Variants in VPS13D observed in about 807,000 individuals in gnomAD.
VPS13D encodes the protein vacuolar protein sorting 13 homolog D.
Under a neutral mutation model 461.9 loss-of-function variants are expected in VPS13D, and 187 were observed. The ratio of observed to expected loss-of-function variants is 0.40; its 90% CI spans 0.36 to 0.46. The LOEUF (loss-of-function observed/expected upper bound fraction) is 0.46. Ranked by LOEUF, VPS13D falls within the 20% of genes least tolerant of loss-of-function variation. The probability of loss-of-function intolerance (pLI) is 0.60; values close to 1 mark genes in which losing one functional copy is unlikely to be tolerated. For synonymous variants in VPS13D, 1,951 were observed against 1,986.3 expected (o/e 0.98, Z 0.47); for missense variants, 4,711 against 5,364.9 (o/e 0.88, Z 3.81).
chr1:12,367,841 A>C (rs760424316), intron 52 of VPS13D: 1 of 152,196 alleles, frequency 6.6e-6, no homozygotes, highest in South Asian at 2.1e-4. Flanking sequence ...TCTCCTGACC[A>C]CGTGATCCAC....
In VPS13D at chr1:12,507,193, T is replaced by G. The variant is rs1461069056; in HGVS notation, c.13035+100T>G. Reference sequence around the variant, plus strand: ...CTCAGCAGGAGCTCATTTAGGAGGTTGAGGCTGGGCCCTTCCCAGGAGTGC... The same window carrying G: ...CTCAGCAGGAGCTCATTTAGGAGGTGGAGGCTGGGCCCTTCCCAGGAGTGC... On this transcript the variant is annotated intron_variant, in intron 69 of 69. Coordinates refer to ENST00000620676, the MANE Select transcript of VPS13D (RefSeq NM_015378.4). The surrounding 1 kb of genome is among the most constrained non-coding windows in gnomAD (Gnocchi z 5.3). 3.1e-6 allele frequency: 5 copies of G among 1,601,418 alleles called. No individual in the cohort carries two copies. The African/African-American group carries it at 6.7e-5, about 21-fold the overall frequency.
At chr1:12,296,538 C>T (rs553166818) in intron 24 of VPS13D, among the ~76,000 whole-genome samples, 1 of 152,180 alleles carries the variant, frequency 6.6e-6, no homozygotes, top group South Asian at 2.1e-4. Context: ...TCATAGATAT[C>T]CTATGTAGCA....
rs567506026 is a variant in VPS13D at position 12,277,235 on chromosome 1, C to G, written c.3647C>G (p.Ser1216Cys). 6.2e-7 allele frequency: 1 copy of G among 1,614,192 alleles called. No homozygotes were observed. The highest frequency in any genetic ancestry group is 1.3e-5 in the African/African-American group (1 of 75,044). The change falls in exon 19 of 70, where the codon TCT becomes TGT. Residue 1216 changes from serine (S) to cysteine (C), a missense_variant. By Grantham distance (112) the Ser-to-Cys change is moderately radical (BLOSUM62 -1). Around this residue, in one of 3 missense-constraint regions of VPS13D, gnomAD observed 4,411 missense variants for 4,937.8 expected, o/e 0.89. Coordinates refer to ENST00000620676, the MANE Select transcript of VPS13D (RefSeq NM_015378.4). ...GGTAGCACGTTTGACATGAATGGTT[C>G]TCTTGGCTGTTTACAGCTTATGGAT... The part of the protein sequence containing the change: ...SMGSTFDMNG[S>C]LGCLQLMDLT...
At chr1:12,436,297 C>A (rs1022582667) in intron 65 of VPS13D, among the ~76,000 whole-genome samples, 1 of 152,206 alleles carries the variant, frequency 6.6e-6, no homozygotes, top group African/African-American at 2.4e-5. Context: ...GGGGAAGGCA[C>A]GCCGGTGCCC....
At chr1:12,480,471 C>G (rs533096348) in intron 67 of VPS13D, among the ~76,000 whole-genome samples, 32 of 152,224 alleles carry the variant, frequency 2.1e-4, no homozygotes, top group African/African-American at 7.0e-4. Context: ...TGTTATGATT[C>G]CATGGTCAAA....
At chr1:12,262,603 G>T (rs530339483) in intron 13 of VPS13D, among the ~76,000 whole-genome samples, 1 of 152,274 alleles carries the variant, frequency 6.6e-6, no homozygotes, top group African/African-American at 2.4e-5. Flanking sequence ...CTACCTTTAG[G>T]CTAATGTAAG....
At chr1:12,410,523 G>T (rs1256190042) in intron 63 of VPS13D, among the ~76,000 whole-genome samples, 1 of 152,184 alleles carries the variant, frequency 6.6e-6, no homozygotes, top group Non-Finnish European at 1.5e-5. Flanking sequence ...AGGCCAAGAT[G>T]AGATGAGACC....
chr1:12,342,004 A>T (rs1279846819), intron 41 of VPS13D, 119 bp downstream of exon 41: 1 of 825,732 alleles, frequency 1.2e-6, no homozygotes, highest in Non-Finnish European at 1.9e-6. Flanking sequence ...TGAATGAATA[A>T]CTTGCTGTCT....
rs1012893545 is a variant in VPS13D at position 12,509,926 on chromosome 1, A to G, written c.*902A>G. The G allele has an allele frequency of 1.3e-5, 2 of 152,268 alleles. No individual in the cohort carries two copies. The highest frequency in any genetic ancestry group is 1.5e-5 in the Non-Finnish European group (1 of 68,054). 9.4% of individuals were successfully genotyped at this position (152,268 alleles called of 1,614,324 possible). On this transcript the variant is annotated 3_prime_UTR_variant, in exon 70 of 70. Transcript: ENST00000620676. ...AAAAGTCCCATTGAACTGTTGCAAC[A>G]AATCAGAAATCCACATAAAAGTGCT... is the stretch of plus-strand genomic sequence containing the variant.
intron 1 of VPS13D, among the ~76,000 whole-genome samples, chr1:12,232,896 C>T (rs1640025857): frequency 1.3e-5 from 2 of 151,838 alleles, no homozygotes; most frequent in African/African-American, 4.8e-5. Flanking sequence ...TATAAGTGAT[C>T]CTCATGAACA....
rs192925820 is a variant in VPS13D at position 12,377,296 on chromosome 1, G to A, written c.10918-1132G>A. 2.1e-3 allele frequency among the ~76,000 whole-genome samples: 326 copies of A among 151,676 alleles called. 2 individuals are homozygous for A. Among genetic ancestry groups the A allele is most frequent in the African/African-American group, 7.4e-3 (306 of 41,422 alleles). Reference sequence around the variant, plus strand: ...GCTGGTCTTGAACTCCTGACCTCAGGTGATACACCTGCCTCGGCCTCCCAA... The same window carrying A: ...GCTGGTCTTGAACTCCTGACCTCAGATGATACACCTGCCTCGGCCTCCCAA... On this transcript the variant is annotated intron_variant, in intron 55 of 69. Coordinates refer to ENST00000620676, the MANE Select transcript of VPS13D (RefSeq NM_015378.4).
At chr1:12,321,293 T>C (rs756438104) in intron 32 of VPS13D, among the ~76,000 whole-genome samples, 3 of 152,210 alleles carry the variant, frequency 2.0e-5, no homozygotes, top group Non-Finnish European at 4.4e-5. Context: ...AAAATAATCA[T>C]ATATGATTTC....
At chr1:12,372,437 T>G (rs1644132934) in intron 54 of VPS13D, among the ~76,000 whole-genome samples, 1 of 152,164 alleles carries the variant, frequency 6.6e-6, no homozygotes, top group South Asian at 2.1e-4. Flanking sequence ...CATTGTGGCT[T>G]TTGATTTGCA....
At chr1:12,450,447 A>G (rs1001185874) in intron 65 of VPS13D, among the ~76,000 whole-genome samples, 5 of 152,160 alleles carry the variant, frequency 3.3e-5, no homozygotes, top group Admixed American at 2.0e-4. Context: ...ATAGTCTCTG[A>G]CTTGTGGTGG....
chr1:12,267,692 C>T (rs566251076), intron 14 of VPS13D, among the ~76,000 whole-genome samples, 153 bp from the exon 15 acceptor site: 2 of 152,190 alleles, frequency 1.3e-5, no homozygotes, highest in East Asian at 1.9e-4. Context: ...GGGCAGAAAA[C>T]GAAACAATTC....
intron 24 of VPS13D, among the ~76,000 whole-genome samples, chr1:12,296,534 A>C (rs1452346014): frequency 6.6e-6 from 1 of 152,132 alleles, no homozygotes; most frequent in Non-Finnish European, 1.5e-5. Context: ...TTTTTCATAG[A>C]TATCCTATGT....
chr1:12,360,960 G>T (rs1643937829), intron 50 of VPS13D, among the ~76,000 whole-genome samples: 1 of 152,162 alleles, frequency 6.6e-6, no homozygotes, highest in East Asian at 1.9e-4. Flanking sequence ...TGCAGTCCTT[G>T]TATATGTCGC....
intron 66 of VPS13D, among the ~76,000 whole-genome samples, chr1:12,458,887 C>T (rs1184933129): frequency 6.6e-6 from 1 of 152,224 alleles, no homozygotes; most frequent in African/African-American, 2.4e-5. Flanking sequence ...TGTCAACTTG[C>T]AAAATGTTTG....
chr1:12,327,704 C>T lies in VPS13D; in HGVS notation c.8047C>T (p.Leu2683Phe), dbSNP rs1643226695. 3 of 1,613,962 alleles carry T rather than the reference C, an allele frequency of 1.9e-6. No individual in the cohort carries two copies. Among genetic ancestry groups the T allele is most frequent in the Non-Finnish European group, 2.5e-6 (3 of 1,179,968 alleles). The part of the protein sequence containing the change: ...LFKNAEPLKS[L>F]SLASTSRDSP... ...TAAGAATGCGGAACCTCTGAAGTCT[C>T]TTTCCTTGGCCTCCACCAGCCGAGA... Residue 2683 changes from leucine to phenylalanine, a missense_variant, in exon 36 of 70, where the codon CTT becomes TTT. By Grantham distance (22) the Leu-to-Phe change is conservative (BLOSUM62 0). Around this residue, in one of 3 missense-constraint regions of VPS13D, gnomAD observed 4,411 missense variants for 4,937.8 expected, o/e 0.89. Coordinates refer to ENST00000620676, the MANE Select transcript of VPS13D (RefSeq NM_015378.4).
Sources: allele counts gnomAD v4.1 joint callset (sites outside exome capture counted in the v4.1 genomes callset), GRCh38; gene constraint gnomAD v4.1.1; regional missense constraint gnomAD v4.1.1; non-coding constraint Gnocchi (gnomAD v3.1); transcripts MANE v1.5; gene names NCBI Gene and HGNC (gene_info 2026-07-23, HGNC 2026-07-21).